Variants in MAPK8IP3 observed in about 807,000 individuals in gnomAD.
MAPK8IP3 encodes mitogen-activated protein kinase 8 interacting protein 3.
Under a neutral mutation model 157.8 loss-of-function variants are expected in MAPK8IP3, and 49 were observed. That is an observed-to-expected ratio of 0.31 (90% CI 0.25 to 0.39). MAPK8IP3 has a LOEUF of 0.39. Ranked by LOEUF, MAPK8IP3 falls within the 10% of genes least tolerant of loss-of-function variation. MAPK8IP3 has a pLI of 1.00. For synonymous variants in MAPK8IP3, 897 were observed against 777.7 expected (o/e 1.15, Z -2.55); for missense variants, 1,478 against 1,889.4 (o/e 0.78, Z 4.04).
In MAPK8IP3 at chr16:1,766,576, A is replaced by T; in HGVS notation, c.2867A>T (p.Glu956Val). ...PDSSSTRPEP[E>V]PSGDPTGAGS... The stretch of plus-strand genomic sequence containing the variant: ...AGCAGCAGCACACGGCCAGAGCCAG[A>T]GCCCAGCGGGGACCCCACGGGAGCA... Residue 956 changes from glutamate (E) to valine (V), a missense_variant, in exon 23 of 32, where the codon GAG (glutamate) becomes GTG (valine). Glu to Val is a moderately radical substitution (Grantham distance 121). Transcript: ENST00000610761. The T allele has an allele frequency of 6.2e-7, 1 of 1,612,342 alleles. No individual in the cohort carries two copies. Among genetic ancestry groups the T allele is most frequent in the South Asian group, 1.1e-5 (1 of 91,072 alleles).
chr16:1,706,594 G>A lies in MAPK8IP3; in HGVS notation c.255G>A (p.Glu85=). ...EHEVELELLR[E]DNEQLLTQYE... is the part of the protein sequence containing the mutation. ...AGGTGGAGCTGGAGCTGCTGCGCGAGGACAACGAGCAGCTGCTCACCCAGT... is the reference window on the plus strand; with the variant it reads ...AGGTGGAGCTGGAGCTGCTGCGCGAAGACAACGAGCAGCTGCTCACCCAGT... The change falls in exon 1 of 32, where the codon GAG becomes GAA. Residue 85 remains glutamate, a synonymous_variant. Transcript: ENST00000610761. The surrounding 1 kb of genome is among the most constrained non-coding windows in gnomAD (Gnocchi z 5.1). 1.2e-6 allele frequency: 2 copies of A among 1,607,140 alleles called. No individual in the cohort carries two copies. Among genetic ancestry groups the A allele is most frequent in the South Asian group, 2.2e-5 (2 of 90,066 alleles).
intron 1 of MAPK8IP3, among the ~76,000 whole-genome samples, chr16:1,715,919 G>A (rs1243752723): frequency 6.6e-6 from 1 of 151,944 alleles, no homozygotes; most frequent in African/African-American, 2.4e-5. Flanking sequence ...TAGAGATGGG[G>A]TTTCACCATG....
chr16:1,737,958 GCGTCCGTGTGAGCGTGTGAC>G (rs1387840624), intron 4 of MAPK8IP3, among the ~76,000 whole-genome samples: 1 of 73,752 alleles, frequency 1.4e-5, no homozygotes, highest in Admixed American at 1.5e-4. Flanking sequence ...GTCCGTGTGA[GCGTCCGTGTGAGCGTGTGAC>G]CGTCCGTGTG....
chr16:1,729,341 C>G (rs2039130505), intron 3 of MAPK8IP3, 133 bp downstream of exon 3: 1 of 1,269,788 alleles, frequency 7.9e-7, no homozygotes, highest in Admixed American at 2.0e-5. Flanking sequence ...GGCTTGAAGG[C>G]TGTCAGCCCC....
chr16:1,721,044 AAAAC>A (rs1004612822), intron 1 of MAPK8IP3, among the ~76,000 whole-genome samples: 24 of 151,888 alleles, frequency 1.6e-4, no homozygotes, highest in Admixed American at 2.0e-4. Flanking sequence ...AAAAAAAAAA[AAAAC>A]AAAACAAGGC....
At position 1,762,930 on chromosome 16, in the gene MAPK8IP3, G is replaced by A. The variant is rs370429633; in HGVS notation, c.1822G>A (p.Gly608Ser). 36 of 1,612,904 alleles carry A rather than the reference G, an allele frequency of 2.2e-5. No individual in the cohort carries two copies. Among genetic ancestry groups the A allele is most frequent in the Admixed American group, 6.7e-5 (4 of 60,012 alleles). ...CCACTACAAGTCACCCACCACTGCCGGCTTCAGCCAGCGCCGCAACCATGC... is the reference window on the plus strand; with the variant it reads ...CCACTACAAGTCACCCACCACTGCCAGCTTCAGCCAGCGCCGCAACCATGC... ...NIHYKSPTTAGFSQRRNHAMC... is the reference protein window; with the variant it reads ...NIHYKSPTTASFSQRRNHAMC... The change falls in exon 16 of 32, where the codon GGC becomes AGC. Residue 608 changes from glycine to serine, a missense_variant. Physicochemically the swap from Gly to Ser is moderately conservative, Grantham distance 56. Around this residue, in one of 11 missense-constraint regions of MAPK8IP3, gnomAD observed 669 missense variants for 759.8 expected, o/e 0.88. Coordinates refer to ENST00000610761, the MANE Select transcript of MAPK8IP3 (RefSeq NM_001318852.2).
intron 10 of MAPK8IP3, among the ~76,000 whole-genome samples, chr16:1,759,452 TCAGTC>T (rs1488162023): frequency 6.6e-6 from 1 of 152,054 alleles, no homozygotes; most frequent in African/African-American, 2.4e-5. Flanking sequence ...TGCAGGGAGA[TCAGTC>T]CAGGTCCACT....
chr16:1,759,398 C>T (rs1001195693), intron 10 of MAPK8IP3, among the ~76,000 whole-genome samples: 4 of 152,148 alleles, frequency 2.6e-5, no homozygotes, highest in African/African-American at 9.7e-5. Context: ...GAGGGCAGGA[C>T]CTTGGAGTTT....
intron 5 of MAPK8IP3, chr16:1,744,715 G>A (rs895937604): frequency 6.0e-5 from 59 of 985,374 alleles, no homozygotes; most frequent in African/African-American, 2.1e-4. Context: ...GCTGCCTCTC[G>A]CGCCCGCTCT....
intron 4 of MAPK8IP3, among the ~76,000 whole-genome samples, chr16:1,737,899 C>CATCT (rs2040148339): frequency 6.0e-5 from 3 of 49,976 alleles, no homozygotes; most frequent in Admixed American, 3.1e-4. Flanking sequence ...TCCGTGTGAG[C>CATCT]GTGTGACCGT....
Position 1,766,981 on chromosome 16 carries a change from G to A in MAPK8IP3, c.3088+10G>A. 6.3e-7 allele frequency: 1 copy of A among 1,579,666 alleles called. No homozygotes were observed. The highest frequency in any genetic ancestry group is 1.2e-5 in the South Asian group (1 of 85,584). On this transcript the variant is annotated intron_variant, in intron 25 of 31. Coordinates refer to ENST00000610761, the MANE Select transcript of MAPK8IP3 (RefSeq NM_001318852.2). ...TTCCACCGTGGTGAAGGTGGGGCCT[G>A]GCAGCACGGGGTGTGTGGGTGGCAG...
chr16:1,739,814 G>GCGTGTGACTGTC (rs2040519334), intron 4 of MAPK8IP3, among the ~76,000 whole-genome samples: 2 of 101,272 alleles, frequency 2.0e-5, no homozygotes, highest in Non-Finnish European at 2.0e-5. Context: ...ATCCGTGTGA[G>GCGTGTGACTGTC]CGTGTGAGCA....
intron 4 of MAPK8IP3, among the ~76,000 whole-genome samples, chr16:1,739,284 C>A (rs1455182829): frequency 8.9e-6 from 1 of 112,136 alleles, no homozygotes. Flanking sequence ...GTGTGAGCAT[C>A]CATGTGAGCC....
At chr16:1,720,438 C>A (rs569295635) in intron 1 of MAPK8IP3, among the ~76,000 whole-genome samples, 2 of 152,330 alleles carry the variant, frequency 1.3e-5, no homozygotes, top group African/African-American at 4.8e-5. Flanking sequence ...GCAGAACACA[C>A]ACCTGCCAAA....
chr16:1,721,563 TCCTCCCACCACAG>T (rs2142319524), intron 1 of MAPK8IP3, among the ~76,000 whole-genome samples: 1 of 152,142 alleles, frequency 6.6e-6, no homozygotes, highest in East Asian at 1.9e-4. Flanking sequence ...GCTCAGGTGA[TCCTCCCACCACAG>T]CCTCCCAGCT....
intron 1 of MAPK8IP3, among the ~76,000 whole-genome samples, chr16:1,718,372 C>T (rs867878474): frequency 3.3e-5 from 5 of 150,966 alleles, no homozygotes; most frequent in South Asian, 2.1e-4. Context: ...TTAGTAGAGA[C>T]GGGGTTTCAC....
intron 4 of MAPK8IP3, among the ~76,000 whole-genome samples, chr16:1,739,109 TGTGTGAGCATCC>T (rs1168698535): frequency 2.3e-5 from 2 of 85,390 alleles, no homozygotes. Context: ...TGTGACCGTC[TGTGTGAGCATCC>T]GTGTGAGCGT....
At position 1,706,549 on chromosome 16, in the gene MAPK8IP3, C is replaced by T. The variant is rs375705262; in HGVS notation, c.210C>T (p.Leu70=). The change falls in exon 1 of 32, where the codon CTC becomes CTT. Residue 70 remains leucine, a synonymous_variant. Transcript: ENST00000610761. This position sits in a 1 kb window ranked among gnomAD's most constrained non-coding sequence, Gnocchi z 5.1. ...VNVLENLDSV[L]SENQEHEVEL... ...TGCTGGAGAACCTAGACTCGGTGCT[C>T]AGCGAGAACCAGGAGCACGAGGTGG... 2 of 1,613,490 alleles carry T rather than the reference C, an allele frequency of 1.2e-6. No individual in the cohort carries two copies. The highest frequency in any genetic ancestry group is 1.3e-5 in the African/African-American group (1 of 74,892).
intron 4 of MAPK8IP3, among the ~76,000 whole-genome samples, chr16:1,738,387 T>C (rs2040240526): frequency 9.2e-6 from 1 of 108,326 alleles, no homozygotes; most frequent in African/African-American, 3.9e-5. Context: ...CATGTGAGCA[T>C]CCGTGTGACC....
Sources: allele counts gnomAD v4.1 joint callset (sites outside exome capture counted in the v4.1 genomes callset), GRCh38; gene constraint gnomAD v4.1.1; regional missense constraint gnomAD v4.1.1; non-coding constraint Gnocchi (gnomAD v3.1); transcripts MANE v1.5; gene names NCBI Gene and HGNC (gene_info 2026-07-23, HGNC 2026-07-21).